Variants in FNIP1 observed in about 807,000 individuals in gnomAD.
The protein encoded by FNIP1 is folliculin-interacting protein 1.
Under a neutral mutation model 124.5 loss-of-function variants are expected in FNIP1, and 40 were observed. The ratio of observed to expected loss-of-function variants is 0.32; its 90% confidence interval spans 0.25 to 0.42. The LOEUF is 0.42. Among genes scored for constraint, FNIP1 ranks in the 10% least tolerant of loss-of-function variants. The pLI is 1.00. For synonymous variants in FNIP1, 472 were observed against 470.6 expected (o/e 1.00, Z -0.04); for missense variants, 1,176 against 1,403.7 (o/e 0.84, Z 2.59).
At chr5:131,764,032 G>A (rs962310018) in intron 1 of FNIP1, among the ~76,000 whole-genome samples, 5 of 152,012 alleles carry the variant, frequency 3.3e-5, no homozygotes, top group African/African-American at 7.2e-5. Flanking sequence ...CTGTCCTTGC[G>A]TGAGAGAGCT....
chr5:131,777,667 A>G (rs933611995), intron 1 of FNIP1, among the ~76,000 whole-genome samples: 6 of 152,232 alleles, frequency 3.9e-5, no homozygotes, highest in African/African-American at 1.4e-4. Flanking sequence ...ACTGGTAAAT[A>G]AAACATATAT....
In FNIP1 at chr5:131,644,760, A is replaced by G; in HGVS notation, c.3426T>C (p.Ile1142=). 1.2e-6 allele frequency: 2 copies of G among 1,613,792 alleles called. No homozygotes were observed. The highest frequency in any genetic ancestry group is 1.7e-6 in the Non-Finnish European group (2 of 1,179,816). The part of the protein sequence containing the change: ...HVKELGVVLG[I]ESSDLPLLAA... Reference sequence around the variant, plus strand: ...CCAGAAGTGGAAGATCACTGGATTCAATCCTGAAATAAAGGGGAAAAAAAT... The same window carrying G: ...CCAGAAGTGGAAGATCACTGGATTCGATCCTGAAATAAAGGGGAAAAAAAT... Residue 1142 remains isoleucine, a synonymous_variant, in exon 18 of 18, where the codon ATT becomes ATC. Transcript: ENST00000510461.
At chr5:131,718,651 T>C (rs1045068244) in intron 5 of FNIP1, among the ~76,000 whole-genome samples, 1 of 152,218 alleles carries the variant, frequency 6.6e-6, no homozygotes, top group Non-Finnish European at 1.5e-5. Flanking sequence ...GTAGGGGATC[T>C]GAAAATTGAA....
intron 1 of FNIP1, chr5:131,795,795 C>T (rs1399985844): frequency 6.8e-6 from 1 of 147,394 alleles, no homozygotes; most frequent in Non-Finnish European, 1.5e-5. Flanking sequence ...TTGACAGATT[C>T]TCTTTTTTTA....
intron 1 of FNIP1, among the ~76,000 whole-genome samples, chr5:131,758,127 A>C (rs183812078): frequency 6.6e-6 from 1 of 152,262 alleles, no homozygotes; most frequent in South Asian, 2.1e-4. Flanking sequence ...TTAATTGCTT[A>C]GAATATGATA....
chr5:131,690,739 G>T (rs1768451111), intron 11 of FNIP1, among the ~76,000 whole-genome samples: 1 of 152,086 alleles, frequency 6.6e-6, no homozygotes, highest in Non-Finnish European at 1.5e-5. Flanking sequence ...CAAAGCAGAG[G>T]TCAGAACAGT....
intron 10 of FNIP1, among the ~76,000 whole-genome samples, chr5:131,703,736 C>G (rs964028308): frequency 6.6e-6 from 1 of 152,208 alleles, no homozygotes; most frequent in Admixed American, 6.5e-5. Context: ...CTTCACAGGA[C>G]TTATTACATA....
At chr5:131,655,945 A>AC (rs1767180737) in intron 15 of FNIP1, among the ~76,000 whole-genome samples, 1 of 151,546 alleles carries the variant, frequency 6.6e-6, no homozygotes, top group African/African-American at 2.4e-5. Context: ...AACAAAACAA[A>AC]AAAAAAACTA....
At chr5:131,658,624 A>T (rs1767284476) in intron 15 of FNIP1, among the ~76,000 whole-genome samples, 1 of 152,136 alleles carries the variant, frequency 6.6e-6, no homozygotes, top group South Asian at 2.1e-4. Flanking sequence ...GGTGAAGATT[A>T]AAAAATTTTG....
chr5:131,751,971 T>C (rs1017141945), intron 1 of FNIP1, among the ~76,000 whole-genome samples: 1 of 151,914 alleles, frequency 6.6e-6, no homozygotes, highest in East Asian at 1.9e-4. Context: ...TTTAGAAGAG[T>C]AGATTTTATG....
chr5:131,671,401 T>C (rs1261905610), intron 14 of FNIP1, 104 bp downstream of exon 14: 2 of 953,782 alleles, frequency 2.1e-6, no homozygotes, highest in South Asian at 1.7e-5. Flanking sequence ...AAGAGAGCTA[T>C]CCAGAACAAT....
At position 131,736,348 on chromosome 5, in the gene FNIP1, T is replaced by C. The variant is rs553417600; in HGVS notation, c.220-5310A>G. On this transcript the variant is annotated intron_variant, in intron 2 of 17. Transcript: ENST00000510461. ...AAACGTGAAGCTCAAACAGGTTAAA[T>C]AACTTCACCAAGGTTACAAGAGCTA... is the stretch of plus-strand genomic sequence containing the variant. 3.9e-5 allele frequency among the ~76,000 whole-genome samples: 6 copies of C among 152,310 alleles called. No homozygotes were observed. The East Asian group carries it at 1.2e-3, about 29-fold the overall frequency.
chr5:131,766,924 T>C (rs1004350088), intron 1 of FNIP1, among the ~76,000 whole-genome samples: 8 of 152,098 alleles, frequency 5.3e-5, no homozygotes, highest in Admixed American at 1.3e-4. Context: ...ATGGTGCCTA[T>C]CTATGTTGAG....
intron 11 of FNIP1, among the ~76,000 whole-genome samples, chr5:131,687,118 T>C (rs1345262176): frequency 2.0e-5 from 3 of 151,304 alleles, no homozygotes; most frequent in Non-Finnish European, 2.9e-5. Context: ...TTTTTTTTTT[T>C]CCTTTGAGAC....
intron 1 of FNIP1, among the ~76,000 whole-genome samples, chr5:131,795,229 T>C (rs1402120795): frequency 6.6e-6 from 1 of 152,226 alleles, no homozygotes; most frequent in Non-Finnish European, 1.5e-5. Flanking sequence ...CAAAAGTATA[T>C]AGTTATCTGC....
intron 2 of FNIP1, among the ~76,000 whole-genome samples, chr5:131,734,619 A>C (rs1191738057): frequency 6.6e-5 from 10 of 152,210 alleles, no homozygotes; most frequent in Non-Finnish European, 1.5e-5. Context: ...TACAAGAAAA[A>C]AAACAAACAA....
At chr5:131,691,061 T>G (rs577915490) in intron 11 of FNIP1, among the ~76,000 whole-genome samples, 1 of 152,232 alleles carries the variant, frequency 6.6e-6, no homozygotes, top group African/African-American at 2.4e-5. Context: ...TACACAATCT[T>G]CCCATGCTGA....
chr5:131,757,832 G>A (rs1453725523), intron 1 of FNIP1, among the ~76,000 whole-genome samples: 1 of 152,166 alleles, frequency 6.6e-6, no homozygotes, highest in African/African-American at 2.4e-5. Context: ...CTAAAGCAGA[G>A]ATGAAAATAA....
chr5:131,694,683 T>C (rs1204394442), intron 11 of FNIP1, among the ~76,000 whole-genome samples: 6 of 152,206 alleles, frequency 3.9e-5, no homozygotes, highest in Non-Finnish European at 8.8e-5. Context: ...TATGACATCA[T>C]ACATTTAATA....
Sources: gnomAD v4.1 joint callset for allele counts (sites outside exome capture counted in the v4.1 genomes callset) on GRCh38, gnomAD v4.1.1 for gene constraint, MANE v1.5 for transcripts, NCBI Gene and HGNC (gene_info 2026-07-23, HGNC 2026-07-21) for gene names.